FSTL5: variants seen among roughly 807,000 people sequenced by gnomAD.
FSTL5 encodes follistatin-related protein 5.
A neutral mutation model predicts 89.1 loss-of-function variants in FSTL5; 62 were observed. The observed-to-expected ratio is 0.70, with a 90% CI of 0.57 to 0.86. FSTL5 has a LOEUF of 0.86. FSTL5 is among the 40% of genes least tolerant of loss of function. FSTL5 has a pLI of 0.00. For synonymous variants in FSTL5, 383 were observed against 346.2 expected (o/e 1.11, Z -1.18); for missense variants, 1,057 against 1,001.6 (o/e 1.06, Z -0.75).
chr4:161,928,796 T>A (rs1441171967), intron 3 of FSTL5, among the ~76,000 whole-genome samples: 1 of 151,774 alleles, frequency 6.6e-6, no homozygotes, highest in East Asian at 1.9e-4. Flanking sequence ...TGTGTACCAG[T>A]CTGTTATCGG....
intron 6 of FSTL5, among the ~76,000 whole-genome samples, chr4:161,683,848 C>T (rs1482728739): frequency 3.3e-5 from 5 of 152,082 alleles, no homozygotes; most frequent in East Asian, 1.9e-4. Flanking sequence ...AGCCATCACC[C>T]GAGCAAAATA....
intron 1 of FSTL5, among the ~76,000 whole-genome samples, chr4:162,152,452 T>C (rs1328268510): frequency 6.6e-6 from 1 of 152,198 alleles, no homozygotes; most frequent in Non-Finnish European, 1.5e-5. Context: ...AATTTTTGCG[T>C]TTATTTTCTA....
chr4:161,872,145 T>TTTTG (rs1732290044), intron 4 of FSTL5, among the ~76,000 whole-genome samples: 1 of 132,064 alleles, frequency 7.6e-6, no homozygotes, highest in African/African-American at 2.7e-5. Flanking sequence ...TTTTTGGTTT[T>TTTTG]TTTTTTTTTT....
At chr4:161,686,021 T>G (rs1737697694) in intron 6 of FSTL5, among the ~76,000 whole-genome samples, 1 of 149,376 alleles carries the variant, frequency 6.7e-6, no homozygotes, top group Non-Finnish European at 1.5e-5. Flanking sequence ...GGTCATGTAA[T>G]TTTTTTTTTA....
intron 1 of FSTL5, among the ~76,000 whole-genome samples, chr4:162,119,386 A>G (rs1448537085): frequency 6.6e-6 from 1 of 152,244 alleles, no homozygotes; most frequent in Non-Finnish European, 1.5e-5. Flanking sequence ...AAGTGAAGAT[A>G]CAAGTTAAAC....
chr4:161,528,933 T>C (rs563856971), intron 10 of FSTL5, among the ~76,000 whole-genome samples: 2 of 141,624 alleles, frequency 1.4e-5, no homozygotes, highest in South Asian at 2.4e-4. Context: ...TCAGTCCACA[T>C]GCCTAAAGTC....
chr4:162,114,465 C>A lies in FSTL5; in HGVS notation c.-16-3053G>T, dbSNP rs533476070. ...TCTTTAAAGTGCTCAGTTAAGATTT[C>A]TCTTTCTCTGCCCTCCCTCTCCTTT... On this transcript the variant is annotated intron_variant, in intron 1 of 15. Coordinates refer to ENST00000306100, the MANE Select transcript of FSTL5 (RefSeq NM_020116.5). 2.6e-5 allele frequency among the ~76,000 whole-genome samples: 4 copies of A among 152,022 alleles called. No individual in the cohort carries two copies. In the East Asian group the frequency reaches 7.8e-4, roughly 29 times the overall value.
rs138402425 is a variant in FSTL5, at chr4:161,777,260, T to TATATAC, written c.410-1187_410-1186insGTATAT. Among the ~76,000 whole-genome samples, 770 of 149,500 alleles carry TATATAC rather than the reference T, an allele frequency of 5.2e-3. 7 individuals carry two copies. Among genetic ancestry groups the TATATAC allele is most frequent in the African/African-American group, 0.015 (621 of 40,630 alleles). The stretch of plus-strand genomic sequence containing the variant: ...TTCATTGTGTATATATATATATATA[T>TATATAC]ACACACACCATATTTTCCTTATCCA... On this transcript the variant is annotated intron_variant, in intron 4 of 15. Coordinates refer to ENST00000306100, the MANE Select transcript of FSTL5 (RefSeq NM_020116.5).
chr4:162,020,373 A>G lies in FSTL5; in HGVS notation c.160+13252T>C, dbSNP rs1400318573. 2.0e-5 allele frequency among the ~76,000 whole-genome samples: 3 copies of G among 152,244 alleles called. No individual in the cohort carries two copies. The East Asian group carries it at 5.8e-4, about 29-fold the overall frequency. On this transcript the variant is annotated intron_variant, in intron 3 of 15. Coordinates refer to ENST00000306100, the MANE Select transcript of FSTL5 (RefSeq NM_020116.5). The stretch of plus-strand genomic sequence containing the variant: ...TTTAATGCTACAAATGATATCCTCT[A>G]ATAGTTATTTAAGGAGTCCCTCAGT...
At chr4:162,044,244 AAT>A (rs1377105935) in intron 2 of FSTL5, among the ~76,000 whole-genome samples, 2 of 152,200 alleles carry the variant, frequency 1.3e-5, no homozygotes, top group Non-Finnish European at 2.9e-5. Flanking sequence ...CTACAGAATG[AAT>A]GTTTTGTTAG....
chr4:162,143,802 A>G (rs1223072575), intron 1 of FSTL5, among the ~76,000 whole-genome samples: 1 of 138,784 alleles, frequency 7.2e-6, no homozygotes, highest in Non-Finnish European at 1.6e-5. Context: ...ACACACACAC[A>G]CACACACACA....
At chr4:161,689,750 A>G (rs1737866609) in intron 6 of FSTL5, among the ~76,000 whole-genome samples, 1 of 152,116 alleles carries the variant, frequency 6.6e-6, no homozygotes, top group Admixed American at 6.5e-5. Context: ...CTGGTTTCAA[A>G]AATTCTGTAT....
intron 15 of FSTL5, among the ~76,000 whole-genome samples, chr4:161,425,371 T>A (rs1732134904): frequency 1.3e-5 from 2 of 152,136 alleles, no homozygotes; most frequent in African/African-American, 4.8e-5. Flanking sequence ...AGACGACAGA[T>A]CCAAAGAATA....
chr4:162,024,587 A>T (rs1737210495), intron 3 of FSTL5, among the ~76,000 whole-genome samples: 1 of 152,118 alleles, frequency 6.6e-6, no homozygotes, highest in African/African-American at 2.4e-5. Flanking sequence ...ACTACAATCA[A>T]TAGTTTAAAT....
At chr4:161,824,219 C>G (rs1039868142) in intron 4 of FSTL5, among the ~76,000 whole-genome samples, 2 of 152,156 alleles carry the variant, frequency 1.3e-5, no homozygotes, top group South Asian at 2.1e-4. Flanking sequence ...CAGTTTCATT[C>G]TTCTACATGT....
chr4:161,629,700 T>C (rs116261980), intron 7 of FSTL5, among the ~76,000 whole-genome samples: 4,296 of 152,188 alleles, frequency 0.028, 128 homozygotes, highest in South Asian at 0.14. Context: ...GGGATTTTTT[T>C]CCCCTAAGCC....
At position 161,581,020 on chromosome 4, in the gene FSTL5, C is replaced by A. The variant is rs377086743; in HGVS notation, c.1015+6435G>T. 5.9e-5 allele frequency among the ~76,000 whole-genome samples: 9 copies of A among 151,884 alleles called. No individual in the cohort carries two copies. The South Asian group carries it at 1.2e-3, about 21-fold the overall frequency. On this transcript the variant is annotated intron_variant, in intron 8 of 15. Transcript: ENST00000306100. The stretch of plus-strand genomic sequence containing the variant: ...AATGATACATGGCCAATACCACCCC[C>A]CAAGCAAGAGCCAATCTCCTAGATG...
At chr4:161,681,725 T>A (rs1442762167) in intron 6 of FSTL5, among the ~76,000 whole-genome samples, 1 of 152,158 alleles carries the variant, frequency 6.6e-6, no homozygotes, top group Admixed American at 6.6e-5. Context: ...CCTCATATTA[T>A]CTCACCTAAA....
intron 3 of FSTL5, among the ~76,000 whole-genome samples, chr4:162,004,336 C>T (rs1295693518): frequency 1.3e-5 from 2 of 152,246 alleles, no homozygotes; most frequent in East Asian, 3.9e-4. Context: ...TTACTAGGTC[C>T]CATTGACTCT....
Sources: allele counts gnomAD v4.1 joint callset (sites outside exome capture counted in the v4.1 genomes callset), GRCh38; gene constraint gnomAD v4.1.1; transcripts MANE v1.5; gene names NCBI Gene and HGNC (gene_info 2026-07-23, HGNC 2026-07-21).